The following UNC5C variants were observed in gnomAD, a reference collection of about 807,000 sequenced individuals.
UNC5C encodes the protein unc-5 netrin receptor C.
Under a neutral mutation model 99.8 loss-of-function variants are expected in UNC5C, and 47 were observed. The ratio of observed to expected loss-of-function variants is 0.47; its 90% CI spans 0.37 to 0.60. UNC5C has a LOEUF of 0.60. UNC5C is among the 20% of genes least tolerant of loss of function. The pLI, the probability that UNC5C is intolerant of heterozygous loss-of-function variation, is 0.00. For missense variants in UNC5C, 1,062 were observed against 1,165.9 expected, an observed-to-expected ratio of 0.91 and a Z score of 1.30; for synonymous variants, 487 against 452.2, an observed-to-expected ratio of 1.08 and a Z score of -0.98.
intron 1 of UNC5C, among the ~76,000 whole-genome samples, chr4:95,394,941 G>A (rs1215036375): frequency 6.6e-6 from 1 of 152,110 alleles, no homozygotes; most frequent in Non-Finnish European, 1.5e-5. Context: ...ATAGATCAGG[G>A]CAAACTGAAT....
At chr4:95,409,680 T>A (rs1431099583) in intron 1 of UNC5C, among the ~76,000 whole-genome samples, 1 of 152,160 alleles carries the variant, frequency 6.6e-6, no homozygotes, top group Non-Finnish European at 1.5e-5. Context: ...GGGATATGTC[T>A]CTTGGACAGG....
intron 4 of UNC5C, among the ~76,000 whole-genome samples, chr4:95,276,659 C>T (rs1400999633): frequency 3.9e-5 from 6 of 152,088 alleles, no homozygotes; most frequent in Admixed American, 3.9e-4. Context: ...AAGACATATG[C>T]ACTATTGTCA....
intron 3 of UNC5C, among the ~76,000 whole-genome samples, chr4:95,280,434 A>C (rs1213991299): frequency 6.6e-6 from 1 of 152,154 alleles, no homozygotes; most frequent in Non-Finnish European, 1.5e-5. Context: ...TATGCCTGTA[A>C]TCCCAGTACT....
chr4:95,315,610 T>G (rs1742445453), intron 2 of UNC5C, among the ~76,000 whole-genome samples: 1 of 152,200 alleles, frequency 6.6e-6, no homozygotes. Flanking sequence ...CACATACTTT[T>G]GTGGATAAAC....
intron 7 of UNC5C, among the ~76,000 whole-genome samples, chr4:95,235,563 C>T (rs533341201): frequency 6.6e-6 from 1 of 152,260 alleles, no homozygotes; most frequent in South Asian, 2.1e-4. Context: ...TTGCCCATGC[C>T]TATGTCCTGA....
Position 95,261,826 on chromosome 4 carries a change from C to G in UNC5C, c.595-11159G>C, listed in dbSNP as rs187008759. Among the ~76,000 whole-genome samples the G allele has an allele frequency of 9.4e-3, 1,428 of 152,150 alleles. 11 individuals are homozygous for G. The highest frequency in any genetic ancestry group is 0.012 in the Non-Finnish European group (844 of 68,006). On this transcript the variant is annotated intron_variant, in intron 4 of 15. Transcript: ENST00000453304. ...TCAAGCAATTCTCCTACCTCAGCCTCCTGAGTAGCTGAGACTACAGGGGCA... is the reference window on the plus strand; with the variant it reads ...TCAAGCAATTCTCCTACCTCAGCCTGCTGAGTAGCTGAGACTACAGGGGCA...
At chr4:95,193,677 C>G (rs913939336) in intron 12 of UNC5C, among the ~76,000 whole-genome samples, 3 of 152,188 alleles carry the variant, frequency 2.0e-5, no homozygotes, top group Non-Finnish European at 4.4e-5. Flanking sequence ...CTGTCTCTGT[C>G]ACAGCTGTGG....
chr4:95,227,350 G>C (rs147241746), intron 7 of UNC5C, among the ~76,000 whole-genome samples: 3 of 151,812 alleles, frequency 2.0e-5, no homozygotes, highest in Non-Finnish European at 4.4e-5. Flanking sequence ...ATGGGGTCTC[G>C]CTATGTTGCC....
Position 95,176,986 on chromosome 4 carries a change from G to T in UNC5C, c.2451+5911C>A, listed in dbSNP as rs529137843. 4.6e-5 allele frequency among the ~76,000 whole-genome samples: 7 copies of T among 152,158 alleles called. No homozygotes were observed. The South Asian group carries it at 8.3e-4, about 18-fold the overall frequency. On this transcript the variant is annotated intron_variant, in intron 14 of 15. Transcript: ENST00000453304. The stretch of plus-strand genomic sequence containing the variant: ...CCCGTGGGAAAAGCGCAGTACTTGG[G>T]GGGGAGTGACCCGATTTTCCAGGTG...
In UNC5C at chr4:95,341,482, GAGAA is replaced by G. The variant is rs1416712915; in HGVS notation, c.125-5855_125-5852del. ...AAGAGAGAAAGAAAGAAGAAAGAGA[GAGAA>G]AGAAAGAAAGAAGAAAGAGAGAGAA... On this transcript the variant is annotated intron_variant, in intron 1 of 15. Coordinates refer to ENST00000453304, the MANE Select transcript of UNC5C (RefSeq NM_003728.4). 1.6e-3 allele frequency among the ~76,000 whole-genome samples: 202 copies of G among 123,722 alleles called. 1 individual carries two copies. The highest frequency in any genetic ancestry group is 5.5e-3 in the African/African-American group (190 of 34,824). The allele number at this position is 123,722 out of a possible 152,430, so 81.2% of individuals were successfully genotyped here.
intron 2 of UNC5C, among the ~76,000 whole-genome samples, chr4:95,305,946 A>G (rs574606426): frequency 2.0e-5 from 3 of 152,312 alleles, no homozygotes; most frequent in African/African-American, 7.2e-5. Flanking sequence ...GCTTAATTTC[A>G]TAATAGTGGT....
chr4:95,183,131 G>A lies in UNC5C; in HGVS notation c.2287-70C>T. The A allele has an allele frequency of 4.8e-6, 7 of 1,473,586 alleles. No individual in the cohort carries two copies. The South Asian group carries it at 7.7e-5, about 16-fold the overall frequency. The allele number at this position is 1,473,586 out of a possible 1,614,324, so 91.3% of individuals were successfully genotyped here. Reference sequence around the variant, plus strand: ...AAAAATAACTCTCAGATGGTCTGCTGCCAGGTACTCTGAGTATCACACCTG... The same window carrying A: ...AAAAATAACTCTCAGATGGTCTGCTACCAGGTACTCTGAGTATCACACCTG... On this transcript the variant is annotated intron_variant, in intron 13 of 15. Transcript: ENST00000453304.
At chr4:95,248,955 G>A (rs1739597003) in intron 5 of UNC5C, among the ~76,000 whole-genome samples, 1 of 152,032 alleles carries the variant, frequency 6.6e-6, no homozygotes, top group East Asian at 1.9e-4. Context: ...GCAACTTCCA[G>A]GCCTGCAAGC....
chr4:95,408,236 GA>G (rs1276781582), intron 1 of UNC5C, among the ~76,000 whole-genome samples: 3 of 152,122 alleles, frequency 2.0e-5, no homozygotes, highest in African/African-American at 7.2e-5. Flanking sequence ...AGATGCTTCT[GA>G]AATATCTAAT....
rs150787237 is a variant in UNC5C at position 95,285,066 on chromosome 4, T to C, written c.491-6704A>G. ...CTAAGCAGGCAGGTTGTGGATACTA[T>C]TGCCTTGAAGAAGATAAGCATGTTT... On this transcript the variant is annotated intron_variant, in intron 3 of 15. Coordinates refer to ENST00000453304, the MANE Select transcript of UNC5C (RefSeq NM_003728.4). 3.8e-3 allele frequency among the ~76,000 whole-genome samples: 576 copies of C among 152,322 alleles called. 1 individual carries two copies. Among genetic ancestry groups the C allele is most frequent in the African/African-American group, 0.013 (556 of 41,582 alleles).
At chr4:95,230,777 A>C (rs867223394) in intron 7 of UNC5C, among the ~76,000 whole-genome samples, 3 of 151,722 alleles carry the variant, frequency 2.0e-5, no homozygotes, top group Middle Eastern at 3.2e-3. Flanking sequence ...ACAGGCTTAA[A>C]AATGAGACAG....
chr4:95,510,442 T>G (rs1722040973), intron 1 of UNC5C, among the ~76,000 whole-genome samples: 1 of 152,072 alleles, frequency 6.6e-6, no homozygotes, highest in Non-Finnish European at 1.5e-5. Context: ...TTCCTTAATT[T>G]TTTATTCAAA....
intron 7 of UNC5C, among the ~76,000 whole-genome samples, chr4:95,226,630 C>A (rs1738701341): frequency 6.6e-6 from 1 of 152,186 alleles, no homozygotes; most frequent in African/African-American, 2.4e-5. Flanking sequence ...GCAATGCTCT[C>A]TTCTAAGGAC....
In UNC5C at chr4:95,424,560, G is replaced by C. The variant is rs576934418; in HGVS notation, c.125-88929C>G. ...TTTTTGAGACAGCTTCTTGCTCTGT[G>C]GCCCTGGCTGGAGTGCAGTGGCGCA... On this transcript the variant is annotated intron_variant, in intron 1 of 15. Coordinates refer to ENST00000453304, the MANE Select transcript of UNC5C (RefSeq NM_003728.4). Among the ~76,000 whole-genome samples the C allele has an allele frequency of 6.0e-3, 588 of 98,664 alleles. 8 individuals carry two copies. The highest frequency in any genetic ancestry group is 0.022 in the African/African-American group (538 of 24,584). The allele number at this position is 98,664 out of a possible 152,430, so 64.7% of individuals were successfully genotyped here. A position where few individuals can be genotyped will look rare whatever the true frequency, so the allele number is the denominator to read the frequency against.
Sources: allele counts gnomAD v4.1 joint callset (sites outside exome capture counted in the v4.1 genomes callset), GRCh38; gene constraint gnomAD v4.1.1; transcripts MANE v1.5; gene names NCBI Gene and HGNC (gene_info 2026-07-23, HGNC 2026-07-21).